BICD1: variants seen among roughly 807,000 people sequenced by gnomAD.
BICD1 encodes protein bicaudal D homolog 1.
In BICD1, 35 loss-of-function variants were observed where a neutral mutation model predicts 92.5. That is an observed-to-expected ratio of 0.38 (90% CI 0.29 to 0.50). The LOEUF (loss-of-function observed/expected upper bound fraction) is 0.50, where lower values mean the gene tolerates loss of function less well. BICD1 is among the 20% of genes least tolerant of loss of function. The pLI is 0.93. For missense variants in BICD1, 950 were observed against 1,189.8 expected (o/e 0.80, Z 2.97); for synonymous variants, 429 against 465.1 (o/e 0.92, Z 1.00).
chr12:32,354,396 T>G (rs1332084541), intron 8 of BICD1, among the ~76,000 whole-genome samples: 3 of 152,190 alleles, frequency 2.0e-5, no homozygotes, highest in Non-Finnish European at 4.4e-5. Context: ...TGTCACCAGG[T>G]CTTATTTTTG....
intron 2 of BICD1, among the ~76,000 whole-genome samples, chr12:32,233,190 C>T (rs897459231): frequency 5.3e-5 from 8 of 152,046 alleles, no homozygotes; most frequent in African/African-American, 9.6e-5. Flanking sequence ...GGCATGGTGG[C>T]GGGCACATGT....
At chr12:32,297,564 A>G (rs1000200260) in intron 3 of BICD1, among the ~76,000 whole-genome samples, 1 of 152,172 alleles carries the variant, frequency 6.6e-6, no homozygotes, top group African/African-American at 2.4e-5. Context: ...AGAGATGACA[A>G]TGAGTAGCAT....
At chr12:32,235,369 G>A (rs1946032477) in intron 2 of BICD1, among the ~76,000 whole-genome samples, 1 of 152,132 alleles carries the variant, frequency 6.6e-6, no homozygotes, top group African/African-American at 2.4e-5. Flanking sequence ...TAAAAATCTT[G>A]TATCATCTTT....
At position 32,122,645 on chromosome 12, in the gene BICD1, A is replaced by G. The variant is rs1358514671; in HGVS notation, c.213+15101A>G. The stretch of plus-strand genomic sequence containing the variant: ...CATAATAAGTAATATATTTTTGTAA[A>G]TCATGTTGAAGTGCTTGAGACAATA... On this transcript the variant is annotated intron_variant, in intron 1 of 9. Coordinates refer to ENST00000652176, the MANE Select transcript of BICD1 (RefSeq NM_001714.4). Among the ~76,000 whole-genome samples, 4 of 152,290 alleles carry G rather than the reference A, an allele frequency of 2.6e-5. No individual in the cohort carries two copies. In the East Asian group the frequency reaches 7.7e-4, roughly 29 times the overall value.
In BICD1 at chr12:32,328,429, G is replaced by A. The variant is rs753739430; in HGVS notation, c.1974G>A (p.Glu658=). ...QLSRQRAAAR[E]LAPMIDKDKE... is the part of the protein sequence containing the mutation. ...CTCGTCAAAGAGCAGCGGCTCGGGA[G>A]CTAGCCCCCATGATTGATAAAGACA... Residue 658 remains glutamate (E), a synonymous_variant, in exon 5 of 10, where the codon GAG becomes GAA. Coordinates refer to ENST00000652176, the MANE Select transcript of BICD1 (RefSeq NM_001714.4). This position sits in a 1 kb window ranked among gnomAD's most constrained non-coding sequence, Gnocchi z 4.4. 1 of 1,614,164 alleles carries A rather than the reference G, an allele frequency of 6.2e-7. No homozygotes were observed. The highest frequency in any genetic ancestry group is 8.5e-7 in the Non-Finnish European group (1 of 1,180,022).
Position 32,293,988 on chromosome 12 carries a change from T to C in BICD1, c.427-6T>C. The C allele has an allele frequency of 1.2e-6, 2 of 1,612,096 alleles. No individual in the cohort carries two copies. On this transcript the variant is annotated splice_region_variant and splice_polypyrimidine_tract_variant and intron_variant, in intron 2 of 9. Transcript: ENST00000652176. ...TATATATTGACTGTTTACTCTGTTG[T>C]TTCAGAACAATGAGATGGTGGAGCT...
chr12:32,254,537 C>T (rs138686840), intron 2 of BICD1, among the ~76,000 whole-genome samples: 233 of 152,334 alleles, frequency 1.5e-3, no homozygotes, highest in African/African-American at 5.2e-3. Context: ...ATTTAGAAAT[C>T]CATAGGCAGC....
At position 32,217,543 on chromosome 12, in the gene BICD1, A is replaced by T. The variant is rs531599516; in HGVS notation, c.426+1084A>T. Among the ~76,000 whole-genome samples, 3 of 152,352 alleles carry T rather than the reference A, an allele frequency of 2.0e-5. No homozygotes were observed. The South Asian group carries it at 6.2e-4, about 32-fold the overall frequency. ...GTCACTTATGAGATAAGGTTTACTTATCTCGTTATCTTTGGATATGCCCAA... is the reference window on the plus strand; with the variant it reads ...GTCACTTATGAGATAAGGTTTACTTTTCTCGTTATCTTTGGATATGCCCAA... On this transcript the variant is annotated intron_variant, in intron 2 of 9. Transcript: ENST00000652176.
intron 1 of BICD1, among the ~76,000 whole-genome samples, chr12:32,137,582 G>A (rs559247859): frequency 3.9e-5 from 6 of 152,232 alleles, no homozygotes; most frequent in Admixed American, 6.5e-5. Flanking sequence ...CTGACATCAT[G>A]TAAAGATTTT....
intron 1 of BICD1, among the ~76,000 whole-genome samples, chr12:32,182,179 C>T (rs975157447): frequency 6.6e-6 from 1 of 151,488 alleles, no homozygotes; most frequent in African/African-American, 2.4e-5. Flanking sequence ...CTGAATGTAT[C>T]CTTTTGGTTT....
At chr12:32,295,512 G>A (rs985238652) in intron 3 of BICD1, among the ~76,000 whole-genome samples, 1 of 152,000 alleles carries the variant, frequency 6.6e-6, no homozygotes, top group African/African-American at 2.4e-5. Flanking sequence ...CCAGATGTAT[G>A]CTTTTACCTC....
chr12:32,275,760 C>G (rs9669429), intron 2 of BICD1, among the ~76,000 whole-genome samples: 3,572 of 152,184 alleles, frequency 0.023, 138 homozygotes, highest in African/African-American at 0.08. Flanking sequence ...GCGAGACTCC[C>G]ATTGCCACTC....
chr12:32,372,816 G>A (rs1012307817), intron 9 of BICD1, among the ~76,000 whole-genome samples: 1 of 152,184 alleles, frequency 6.6e-6, no homozygotes, highest in African/African-American at 2.4e-5. Context: ...GTTCAAGGCA[G>A]CAGTGAGCCG....
intron 8 of BICD1, among the ~76,000 whole-genome samples, chr12:32,365,331 G>A (rs1939489192): frequency 1.3e-5 from 2 of 152,188 alleles, no homozygotes; most frequent in South Asian, 4.1e-4. Context: ...TAAGAAGAAT[G>A]TCTACCACCT....
chr12:32,138,342 C>G (rs1210143312), intron 1 of BICD1, among the ~76,000 whole-genome samples: 1 of 152,130 alleles, frequency 6.6e-6, no homozygotes, highest in African/African-American at 2.4e-5. Context: ...TAGAAGTTCT[C>G]CAAGTGCTTT....
At chr12:32,171,588 T>C (rs1943939341) in intron 1 of BICD1, among the ~76,000 whole-genome samples, 1 of 152,194 alleles carries the variant, frequency 6.6e-6, no homozygotes, top group Non-Finnish European at 1.5e-5. Flanking sequence ...ATGACTGAGA[T>C]GGCAATATGA....
At chr12:32,310,003 G>A (rs1233082915) in intron 4 of BICD1, among the ~76,000 whole-genome samples, 3 of 152,182 alleles carry the variant, frequency 2.0e-5, no homozygotes, top group East Asian at 1.9e-4. Context: ...GGGAGAGGCC[G>A]CCTTGTGCCT....
intron 1 of BICD1, among the ~76,000 whole-genome samples, chr12:32,196,131 G>C (rs1253620879): frequency 6.6e-6 from 1 of 152,148 alleles, no homozygotes; most frequent in Non-Finnish European, 1.5e-5. Context: ...TTATCAAAAT[G>C]ACAAGAGATA....
At position 32,328,068 on chromosome 12, in the gene BICD1, A is replaced by G; in HGVS notation, c.1613A>G (p.Tyr538Cys). ...ETPNRVMLDY[Y>C]RQSRVTRSGS... The stretch of plus-strand genomic sequence containing the variant: ...CCCAACAGGGTCATGCTGGATTACT[A>G]TAGGCAGAGCAGAGTCACCCGCAGT... The change falls in exon 5 of 10, where the codon TAT (tyrosine) becomes TGT (cysteine). Residue 538 changes from tyrosine (Y) to cysteine (C), a missense_variant. This residue lies in a region of BICD1 where 309 missense variants were observed against 499.4 expected (regional missense o/e 0.62). Transcript: ENST00000652176. The surrounding 1 kb of genome is among the most constrained non-coding windows in gnomAD (Gnocchi z 4.4). The G allele has an allele frequency of 1.9e-6, 3 of 1,614,160 alleles. No homozygotes were observed. The highest frequency in any genetic ancestry group is 2.5e-6 in the Non-Finnish European group (3 of 1,180,026).
Sources: gnomAD v4.1 joint callset for allele counts (sites outside exome capture counted in the v4.1 genomes callset) on GRCh38, gnomAD v4.1.1 for gene constraint, gnomAD v4.1.1 regional missense constraint, Gnocchi (gnomAD v3.1) non-coding constraint, MANE v1.5 for transcripts, NCBI Gene and HGNC (gene_info 2026-07-23, HGNC 2026-07-21) for gene names.